Variants in NOL9 observed in about 807,000 individuals in gnomAD.
The protein encoded by NOL9 is polynucleotide 5'-hydroxyl-kinase NOL9.
In NOL9, 28 loss-of-function variants were observed where a neutral mutation model predicts 67.9. The ratio of observed to expected loss-of-function variants is 0.41; its 90% CI spans 0.31 to 0.57. The LOEUF is 0.57. Ranked by LOEUF, NOL9 falls within the 20% of genes least tolerant of loss-of-function variation. The pLI, the probability that NOL9 is intolerant of heterozygous loss-of-function variation, is 0.25. For missense variants in NOL9, 777 were observed against 897.0 expected, an observed-to-expected ratio of 0.87 and a Z score of 1.71; for synonymous variants, 356 against 352.2, an observed-to-expected ratio of 1.01 and a Z score of -0.12.
At chr1:6,526,555 C>A (rs142714351) in intron 11 of NOL9, 141 bp downstream of exon 11, 11 of 812,752 alleles carry the variant, frequency 1.4e-5, no homozygotes. Flanking sequence ...GCCCTGACAC[C>A]GTCTCGGCTC....
intron 8 of NOL9, 87 bp downstream of exon 8, chr1:6,532,376 G>A: frequency 8.0e-7 from 1 of 1,252,884 alleles, no homozygotes; most frequent in Non-Finnish European, 1.1e-6. Flanking sequence ...AGATCTTAGA[G>A]GACTCAGGCC....
At chr1:6,544,540 C>CGCAT (rs1491135983) in intron 5 of NOL9, among the ~76,000 whole-genome samples, 6 of 9,460 alleles carry the variant, frequency 6.3e-4, no homozygotes, top group Non-Finnish European at 3.2e-3. Context: ...CACGCACACA[C>CGCAT]GCACCCCCCC....
intron 3 of NOL9, chr1:6,548,152 T>C (rs1306911153): frequency 6.5e-6 from 1 of 154,800 alleles, no homozygotes; most frequent in Non-Finnish European, 1.4e-5. Flanking sequence ...TTTTTTTTTT[T>C]TTTTTTTTTT....
chr1:6,546,554 C>T (rs757641609), intron 3 of NOL9, among the ~76,000 whole-genome samples: 2 of 152,170 alleles, frequency 1.3e-5, no homozygotes, highest in Non-Finnish European at 2.9e-5. Context: ...ACAACTTCTA[C>T]TTCCTCTGGC....
At chr1:6,544,103 G>A (rs933777480) in intron 5 of NOL9, among the ~76,000 whole-genome samples, 21 of 152,068 alleles carry the variant, frequency 1.4e-4, no homozygotes, top group African/African-American at 4.8e-4. Flanking sequence ...TCCAGCCTGG[G>A]TGAGTGAAAC....
rs116348872 is a variant in NOL9 at position 6,539,172 on chromosome 1, C to T, written c.1075+2658G>A. Reference sequence around the variant, plus strand: ...ATCAAAATAAGCATTGGTGAGGATACGGAGAAATCAGAACTCTTGTGCATT... The same window carrying T: ...ATCAAAATAAGCATTGGTGAGGATATGGAGAAATCAGAACTCTTGTGCATT... On this transcript the variant is annotated intron_variant, in intron 6 of 11. Transcript: ENST00000377705. 5.0e-3 allele frequency among the ~76,000 whole-genome samples: 763 copies of T among 152,240 alleles called. 7 individuals carry two copies. Among genetic ancestry groups the T allele is most frequent in the African/African-American group, 0.018 (728 of 41,534 alleles).
intron 2 of NOL9, among the ~76,000 whole-genome samples, chr1:6,550,175 G>A (rs1458992837): frequency 2.0e-5 from 3 of 152,132 alleles, no homozygotes; most frequent in African/African-American, 7.2e-5. Flanking sequence ...GGGACTACAG[G>A]CGCCTGCCAC....
At chr1:6,540,281 C>A in intron 6 of NOL9, among the ~76,000 whole-genome samples, 1 of 151,946 alleles carries the variant, frequency 6.6e-6, no homozygotes, top group South Asian at 2.1e-4. Flanking sequence ...CGCCACTACG[C>A]CTGGCTAATT....
Position 6,533,308 on chromosome 1 carries a change from G to A in NOL9, c.1209C>T (p.Leu403=), listed in dbSNP as rs756570862. Residue 403 remains leucine, a synonymous_variant, in exon 7 of 12, where the codon CTC becomes CTT. Transcript: ENST00000377705. ...VFSAYKRESP[L]IVNTMGWVSD... is the part of the protein sequence containing the mutation. ...AAACCCATCCCATAGTGTTGACGAT[G>A]AGAGGGGACTCTCTCTTGTAAGCGC... is the stretch of plus-strand genomic sequence containing the variant. 22 of 1,607,820 alleles carry A rather than the reference G, an allele frequency of 1.4e-5. No homozygotes were observed. The highest frequency in any genetic ancestry group is 1.9e-5 in the Non-Finnish European group (22 of 1,176,454).
intron 6 of NOL9, among the ~76,000 whole-genome samples, chr1:6,537,976 A>C (rs1490112904): frequency 7.4e-6 from 1 of 135,568 alleles, no homozygotes; most frequent in Non-Finnish European, 1.6e-5. Context: ...TGGGCGACAA[A>C]GCAAGACTCC....
chr1:6,553,209 C>T (rs1184793211), intron 1 of NOL9, among the ~76,000 whole-genome samples: 2 of 152,216 alleles, frequency 1.3e-5, no homozygotes, highest in Admixed American at 6.5e-5. Context: ...TTCAGACAGA[C>T]TCTACCACTC....
Position 6,543,912 on chromosome 1 carries a change from G to A in NOL9, c.977+914C>T, listed in dbSNP as rs142968542. Among the ~76,000 whole-genome samples, 927 of 152,176 alleles carry A rather than the reference G, an allele frequency of 6.1e-3. 8 individuals carry two copies. The highest frequency in any genetic ancestry group is 0.02 in the African/African-American group (837 of 41,514). ...AGGCTAAGGCGGGCAGATAACCTGA[G>A]GTCAGGATTTCGAGATCAGCCTAAC... is the stretch of plus-strand genomic sequence containing the variant. On this transcript the variant is annotated intron_variant, in intron 5 of 11. Transcript: ENST00000377705.
At position 6,532,575 on chromosome 1, in the gene NOL9, C is replaced by CA; in HGVS notation, c.1422dup (p.Ala475CysfsTer8). The CA allele has an allele frequency of 6.2e-7, 1 of 1,614,228 alleles. No individual in the cohort carries two copies. Among genetic ancestry groups the CA allele is most frequent in the Non-Finnish European group, 8.5e-7 (1 of 1,180,048 alleles). ...TCATCAGCAAATTCCAAAGCATCTGCAAATGCTGCGAGTCTGAAACGTCGA... is the reference window on the plus strand; with the variant it reads ...TCATCAGCAAATTCCAAAGCATCTGCAAAATGCTGCGAGTCTGAAACGTCGA... On this transcript the variant is annotated frameshift_variant, in exon 8 of 12. Transcript: ENST00000377705. LOFTEE classifies it high-confidence loss of function.
At position 6,554,191 on chromosome 1, in the gene NOL9, G is replaced by A. The variant is rs763648771; in HGVS notation, c.312C>T (p.Ala104=). ...EPESEPELES[A]SSCHRPLLIP... ...TGAGGAGAGGCCGGTGGCAACTCGA[G>A]GCGGATTCGAGTTCGGGTTCGGACT... Residue 104 remains alanine, a synonymous_variant, in exon 1 of 12, where the codon GCC becomes GCT. Transcript: ENST00000377705. The A allele has an allele frequency of 7.2e-6, 11 of 1,522,182 alleles. No homozygotes were observed. The South Asian group carries it at 1.2e-4, about 17-fold the overall frequency. 94.3% of individuals were successfully genotyped at this position (1,522,182 alleles called of 1,614,324 possible).
At chr1:6,547,373 A>G (rs1639441357) in intron 3 of NOL9, among the ~76,000 whole-genome samples, 1 of 152,190 alleles carries the variant, frequency 6.6e-6, no homozygotes, top group South Asian at 2.1e-4. Context: ...AACTACATGC[A>G]CCCCAGTCGT....
At chr1:6,545,328 A>G in intron 3 of NOL9, 148 bp from the exon 4 acceptor site, 1 of 740,048 alleles carries the variant, frequency 1.4e-6, no homozygotes. Context: ...CCCATCAACA[A>G]GTGTTGCCAA....
At chr1:6,537,339 G>T (rs1203517888) in intron 6 of NOL9, among the ~76,000 whole-genome samples, 2 of 152,022 alleles carry the variant, frequency 1.3e-5, no homozygotes, top group African/African-American at 2.4e-5. Context: ...CAATTTTTTG[G>T]ATATGACCCC....
chr1:6,537,212 T>C (rs1639174831), intron 6 of NOL9, among the ~76,000 whole-genome samples: 1 of 151,922 alleles, frequency 6.6e-6, no homozygotes, highest in Admixed American at 6.6e-5. Flanking sequence ...GGATACTAGA[T>C]ATCCTTATCA....
Position 6,549,552 on chromosome 1 carries a change from G to T in NOL9, c.744+19C>A. 2 of 1,611,378 alleles carry T rather than the reference G, an allele frequency of 1.2e-6. No individual in the cohort carries two copies. Among genetic ancestry groups the T allele is most frequent in the South Asian group, 2.2e-5 (2 of 90,872 alleles). On this transcript the variant is annotated intron_variant, in intron 3 of 11. Coordinates refer to ENST00000377705, the MANE Select transcript of NOL9 (RefSeq NM_024654.5). Reference sequence around the variant, plus strand: ...TGGTGCAAGTAATTAGCAAAACTCTGAATGAAAACGGGTTCTACCTCTTGC... The same window carrying T: ...TGGTGCAAGTAATTAGCAAAACTCTTAATGAAAACGGGTTCTACCTCTTGC...
Sources: allele counts gnomAD v4.1 joint callset (sites outside exome capture counted in the v4.1 genomes callset), GRCh38; gene constraint gnomAD v4.1.1; transcripts MANE v1.5; gene names NCBI Gene and HGNC (gene_info 2026-07-23, HGNC 2026-07-21).